The following WARS2 variants were observed in gnomAD, a reference collection of about 807,000 sequenced individuals.
WARS2 encodes tryptophan--tRNA ligase, mitochondrial.
Under a neutral mutation model 36.5 loss-of-function variants are expected in WARS2, and 28 were observed. The observed-to-expected ratio is 0.77, with a 90% CI of 0.57 to 1.05. The LOEUF is 1.05. Ranked by LOEUF, WARS2 falls within the 50% of genes least tolerant of loss-of-function variation. The pLI is 0.00. For synonymous variants in WARS2, 174 were observed against 178.4 expected (o/e 0.98, Z 0.20); for missense variants, 435 against 456.8 (o/e 0.95, Z 0.44).
chr1:119,116,254 TGAG>T (rs1435280576), intron 1 of WARS2, among the ~76,000 whole-genome samples: 3 of 152,086 alleles, frequency 2.0e-5, no homozygotes, highest in Admixed American at 6.6e-5. Context: ...GAGGCAACAA[TGAG>T]GAGGAGGGCT....
chr1:119,039,835 T>C (rs1254127049), intron 4 of WARS2, among the ~76,000 whole-genome samples: 1 of 152,146 alleles, frequency 6.6e-6, no homozygotes, highest in African/African-American at 2.4e-5. Context: ...GTCAAAATTT[T>C]ATGAAGAGGT....
intron 1 of WARS2, among the ~76,000 whole-genome samples, chr1:119,138,115 C>T (rs1656643649): frequency 6.6e-6 from 1 of 152,008 alleles, no homozygotes; most frequent in Non-Finnish European, 1.5e-5. Context: ...CATTTTTTCC[C>T]ATTATACTAT....
chr1:119,045,508 C>A, intron 3 of WARS2, 74 bp downstream of exon 3: 1 of 1,326,302 alleles, frequency 7.5e-7, no homozygotes, highest in Non-Finnish European at 1.1e-6. Context: ...AGAGTAAACT[C>A]AGGATTCCCA....
intron 1 of WARS2, among the ~76,000 whole-genome samples, chr1:119,130,448 G>A (rs1656020243): frequency 6.6e-6 from 1 of 152,160 alleles, no homozygotes; most frequent in South Asian, 2.1e-4. Context: ...TAGGGCCAGA[G>A]TGACAATAAA....
intron 1 of WARS2, among the ~76,000 whole-genome samples, chr1:119,129,177 T>G (rs1379701296): frequency 1.3e-5 from 2 of 152,124 alleles, no homozygotes; most frequent in Non-Finnish European, 2.9e-5. Context: ...TGTAATGGCA[T>G]TAGGAGGTGC....
chr1:119,073,451 G>A (rs769214026), intron 2 of WARS2, among the ~76,000 whole-genome samples: 1 of 152,282 alleles, frequency 6.6e-6, no homozygotes, highest in South Asian at 2.1e-4. Context: ...TATTGCCTTT[G>A]TGAGACAAAT....
intron 1 of WARS2, among the ~76,000 whole-genome samples, chr1:119,136,380 C>A (rs1656510572): frequency 1.3e-5 from 2 of 152,136 alleles, no homozygotes. Context: ...AGCTATATTG[C>A]AAAGAATTTA....
At chr1:119,107,033 T>C (rs1158326970) in intron 1 of WARS2, among the ~76,000 whole-genome samples, 1 of 152,190 alleles carries the variant, frequency 6.6e-6, no homozygotes. Flanking sequence ...CTCGTTGTTT[T>C]GATTTGCAAT....
intron 1 of WARS2, among the ~76,000 whole-genome samples, chr1:119,107,977 A>G (rs1654361468): frequency 6.6e-6 from 1 of 151,900 alleles, no homozygotes; most frequent in Non-Finnish European, 1.5e-5. Context: ...GATGGATTGC[A>G]TTCATTGGTT....
At chr1:119,127,689 A>G (rs1347735213) in intron 1 of WARS2, among the ~76,000 whole-genome samples, 1 of 152,114 alleles carries the variant, frequency 6.6e-6, no homozygotes, top group Non-Finnish European at 1.5e-5. Context: ...CACTATTCTC[A>G]GCAAACTTAC....
intron 1 of WARS2, among the ~76,000 whole-genome samples, chr1:119,107,849 C>T (rs2101485753): frequency 6.6e-6 from 1 of 152,144 alleles, no homozygotes; most frequent in East Asian, 1.9e-4. Context: ...TGAGGAAGTT[C>T]CCTTCCATTC....
At chr1:119,118,612 A>T (rs1655135256) in intron 1 of WARS2, among the ~76,000 whole-genome samples, 1 of 152,178 alleles carries the variant, frequency 6.6e-6, no homozygotes, top group African/African-American at 2.4e-5. Flanking sequence ...AAACATAATC[A>T]CCTAGGCACA....
intron 4 of WARS2, among the ~76,000 whole-genome samples, chr1:119,035,886 A>C (rs796675807): frequency 8.5e-5 from 13 of 152,314 alleles, no homozygotes; most frequent in African/African-American, 3.1e-4. Flanking sequence ...GCAGACCCAG[A>C]GTGGTTTCTC....
intron 1 of WARS2, among the ~76,000 whole-genome samples, chr1:119,087,261 A>G (rs1327373915): frequency 6.6e-6 from 1 of 152,186 alleles, no homozygotes; most frequent in Non-Finnish European, 1.5e-5. Context: ...CCCAGTAAAT[A>G]GCACAGTGCC....
chr1:119,073,254 A>C (rs1343637269), intron 2 of WARS2, among the ~76,000 whole-genome samples: 2 of 152,178 alleles, frequency 1.3e-5, no homozygotes, highest in African/African-American at 2.4e-5. Context: ...CTCTATTGTT[A>C]TAAATTTTTT....
At chr1:119,139,075 G>A (rs900999699) in intron 1 of WARS2, among the ~76,000 whole-genome samples, 1 of 152,014 alleles carries the variant, frequency 6.6e-6, no homozygotes. Context: ...TTGGGTCTAC[G>A]GCTTAGCTAC....
intron 1 of WARS2, chr1:119,085,722 C>T: frequency 6.5e-7 from 1 of 1,548,512 alleles, no homozygotes; most frequent in Non-Finnish European, 8.9e-7. Context: ...GAAACAGAAT[C>T]CTTTGGATTT....
At chr1:119,085,620 A>T (rs996653461) in intron 1 of WARS2, 1 of 1,456,326 alleles carries the variant, frequency 6.9e-7, no homozygotes, top group Non-Finnish European at 9.6e-7. Context: ...ATAGTTAGAC[A>T]CATGATCCAC....
At chr1:119,122,337 A>AATGTGAT (rs1416112302) in intron 1 of WARS2, among the ~76,000 whole-genome samples, 1 of 152,196 alleles carries the variant, frequency 6.6e-6, no homozygotes, top group Non-Finnish European at 1.5e-5. Flanking sequence ...TCAAAACCAC[A>AATGTGAT]ATGTGATACC....
Sources: gnomAD v4.1 joint callset for allele counts (sites outside exome capture counted in the v4.1 genomes callset) on GRCh38, gnomAD v4.1.1 for gene constraint, MANE v1.5 for transcripts, NCBI Gene and HGNC (gene_info 2026-07-23, HGNC 2026-07-21) for gene names.